Variants in SQOR observed in about 807,000 individuals in gnomAD.
SQOR encodes the protein sulfide quinone oxidoreductase.
SQOR carries 39 observed loss-of-function variants against 48.6 expected under a neutral mutation model. The observed-to-expected ratio is 0.80, with a 90% CI of 0.62 to 1.05. The LOEUF (loss-of-function observed/expected upper bound fraction) is 1.05. SQOR is among the 50% of genes least tolerant of loss of function. The pLI, the probability that SQOR is intolerant of heterozygous loss-of-function variation, is 0.00. For missense variants in SQOR, 561 were observed against 559.9 expected (o/e 1.00, Z -0.02); for synonymous variants, 220 against 206.2 (o/e 1.07, Z -0.57).
At position 45,673,680 on chromosome 15, in the gene SQOR, C is replaced by T. The variant is rs373774975; in HGVS notation, c.533C>T (p.Thr178Ile). ...TATTCAGTTAAGACTGTAGAGAAGA[C>T]ATGGAAAGCTCTGCAGGACTTCAAA... ...SNYSVKTVEK[T>I]WKALQDFKEG... Residue 178 changes from threonine (T) to isoleucine (I), a missense_variant, in exon 5 of 10, where the codon ACA (threonine) becomes ATA (isoleucine). Coordinates refer to ENST00000260324, the MANE Select transcript of SQOR (RefSeq NM_021199.4). The T allele has an allele frequency of 2.5e-6, 4 of 1,614,204 alleles. No individual in the cohort carries two copies. The highest frequency in any genetic ancestry group is 1.7e-5 in the Admixed American group (1 of 60,028).
intron 1 of SQOR, among the ~76,000 whole-genome samples, chr15:45,648,163 TTTTG>T (rs1161576625): frequency 6.7e-6 from 1 of 149,098 alleles, no homozygotes; most frequent in African/African-American, 2.6e-5. Flanking sequence ...AATGATAGTT[TTTTG>T]TTTTTTTGTT....
Position 45,688,422 on chromosome 15 carries a change from G to T in SQOR, c.1116+18G>T. On this transcript the variant is annotated intron_variant, in intron 8 of 9. Coordinates refer to ENST00000260324, the MANE Select transcript of SQOR (RefSeq NM_021199.4). Reference sequence around the variant, plus strand: ...CAAAGAAGGTTTGTATGCCTTGTAAGAATCACTGTCTCAATGATCATCTTC... The same window carrying T: ...CAAAGAAGGTTTGTATGCCTTGTAATAATCACTGTCTCAATGATCATCTTC... The T allele has an allele frequency of 1.3e-6, 2 of 1,548,634 alleles. No homozygotes were observed. The highest frequency in any genetic ancestry group is 1.8e-5 in the Admixed American group (1 of 54,786).
intron 7 of SQOR, 115 bp downstream of exon 7, chr15:45,682,776 C>A: frequency 7.9e-7 from 1 of 1,266,668 alleles, no homozygotes; most frequent in Non-Finnish European, 1.1e-6. Flanking sequence ...GCCTGTAATC[C>A]CAGCACTTTG....
chr15:45,663,771 A>C (rs1889762845), intron 3 of SQOR, among the ~76,000 whole-genome samples: 1 of 152,128 alleles, frequency 6.6e-6, no homozygotes, highest in South Asian at 2.1e-4. Flanking sequence ...AAAAAATAAA[A>C]AAATAAAAAA....
rs564171705 is a variant in SQOR, at chr15:45,691,124, C to T, written c.*94C>T. On this transcript the variant is annotated 3_prime_UTR_variant, in exon 10 of 10. Coordinates refer to ENST00000260324, the MANE Select transcript of SQOR (RefSeq NM_021199.4). ...GCAGCACGAAGGACTTGGAACCTAT[C>T]CTTGTAAAGAGTTCCTTGATGGGTA... is the stretch of plus-strand genomic sequence containing the variant. 3 of 1,126,214 alleles carry T rather than the reference C, an allele frequency of 2.7e-6. No homozygotes were observed. In the East Asian group the frequency reaches 7.0e-5, roughly 26 times the overall value. The allele number at this position is 1,126,214 out of a possible 1,614,324, so 69.8% of individuals were successfully genotyped here.
chr15:45,667,343 G>A (rs1338369183), intron 3 of SQOR, among the ~76,000 whole-genome samples: 1 of 151,914 alleles, frequency 6.6e-6, no homozygotes, highest in East Asian at 2.0e-4. Flanking sequence ...TGTCTATTTA[G>A]TAGTTGAGTC....
rs1798350331 is a variant in SQOR at position 45,669,952 on chromosome 15, G to C, written c.430G>C (p.Ala144Pro). Residue 144 changes from alanine to proline, a missense_variant, in exon 4 of 10, where the codon GCT (alanine) becomes CCT (proline). Ala to Pro is a conservative substitution (Grantham distance 27, BLOSUM62 -1). Coordinates refer to ENST00000260324, the MANE Select transcript of SQOR (RefSeq NM_021199.4). ...GATCTCCTACCGATATCTTATTATT[G>C]CTCTCGGAATCCAGCTGGACTATGA... ...EKISYRYLII[A>P]LGIQLDYEKI... 6.2e-7 allele frequency: 1 copy of C among 1,613,864 alleles called. No individual in the cohort carries two copies. The highest frequency in any genetic ancestry group is 8.5e-7 in the Non-Finnish European group (1 of 1,179,972).
At chr15:45,666,412 C>G (rs952937097) in intron 3 of SQOR, among the ~76,000 whole-genome samples, 1 of 152,142 alleles carries the variant, frequency 6.6e-6, no homozygotes, top group African/African-American at 2.4e-5. Flanking sequence ...CAATATCTGG[C>G]ACATAGAAGG....
At chr15:45,673,892 C>A in intron 5 of SQOR, 91 bp downstream of exon 5, 1 of 1,262,384 alleles carries the variant, frequency 7.9e-7, no homozygotes, top group South Asian at 1.4e-5. Context: ...ATTGTAATCC[C>A]TTTTTTATCT....
At chr15:45,674,426 G>C (rs1219853258) in intron 5 of SQOR, among the ~76,000 whole-genome samples, 1 of 151,264 alleles carries the variant, frequency 6.6e-6, no homozygotes, top group African/African-American at 2.4e-5. Flanking sequence ...GGCAACAAGA[G>C]CGAAGCTCCG....
intron 8 of SQOR, among the ~76,000 whole-genome samples, 166 bp downstream of exon 8, chr15:45,688,570 G>A (rs1158914518): frequency 1.3e-5 from 2 of 149,302 alleles, no homozygotes; most frequent in African/African-American, 5.0e-5. Flanking sequence ...GGAGTGCAAT[G>A]GCACGATCTC....
intron 1 of SQOR, among the ~76,000 whole-genome samples, chr15:45,651,087 C>G (rs1345685101): frequency 6.6e-6 from 1 of 152,180 alleles, no homozygotes; most frequent in Admixed American, 6.5e-5. Context: ...GGGAGGCTCA[C>G]CCGTGTGGGA....
intron 4 of SQOR, among the ~76,000 whole-genome samples, chr15:45,671,405 G>A (rs549771842): frequency 5.3e-5 from 8 of 152,176 alleles, no homozygotes; most frequent in South Asian, 4.1e-4. Context: ...TGATCCACCC[G>A]CCTCAGCCTC....
chr15:45,679,231 G>A (rs1011533765), intron 6 of SQOR, among the ~76,000 whole-genome samples: 3 of 152,212 alleles, frequency 2.0e-5, no homozygotes. Context: ...AAATCCACCA[G>A]AAGGATGTAA....
At chr15:45,683,386 T>C (rs1040526121) in intron 7 of SQOR, among the ~76,000 whole-genome samples, 2 of 152,248 alleles carry the variant, frequency 1.3e-5, no homozygotes, top group Non-Finnish European at 2.9e-5. Flanking sequence ...AAAATTGTCC[T>C]GTTAAGACAA....
intron 1 of SQOR, among the ~76,000 whole-genome samples, chr15:45,638,379 C>T (rs1895043969): frequency 6.6e-6 from 1 of 152,144 alleles, no homozygotes; most frequent in African/African-American, 2.4e-5. Context: ...ACTGCTTGAG[C>T]TCAGAAGTTC....
chr15:45,682,258 G>A (rs774267190), intron 6 of SQOR, among the ~76,000 whole-genome samples: 10 of 152,162 alleles, frequency 6.6e-5, no homozygotes, highest in Non-Finnish European at 1.3e-4. Flanking sequence ...TCTCTGTATG[G>A]GGAGATCACG....
intron 1 of SQOR, among the ~76,000 whole-genome samples, chr15:45,645,187 T>G (rs1182572548): frequency 2.0e-5 from 3 of 152,204 alleles, no homozygotes; most frequent in Non-Finnish European, 2.9e-5. Flanking sequence ...TACTTGCATG[T>G]ATTTTGGATT....
Position 45,689,094 on chromosome 15 carries a change from C to T in SQOR, c.1172C>T (p.Ala391Val), listed in dbSNP as rs1890274069. Residue 391 changes from alanine to valine, a missense_variant, in exon 9 of 10, where the codon GCT becomes GTT. Transcript: ENST00000260324. The part of the protein sequence containing the change: ...LVTGYNRVIL[A>V]EFDYKAEPLE... ...ACCGGCTACAACCGTGTGATTCTTG[C>T]TGAGTTTGACTACAAAGCAGAGCCG... 2 of 1,614,020 alleles carry T rather than the reference C, an allele frequency of 1.2e-6. No individual in the cohort carries two copies. Among genetic ancestry groups the T allele is most frequent in the South Asian group, 1.1e-5 (1 of 91,082 alleles).
Sources: allele counts gnomAD v4.1 joint callset (sites outside exome capture counted in the v4.1 genomes callset), GRCh38; gene constraint gnomAD v4.1.1; transcripts MANE v1.5; gene names NCBI Gene and HGNC (gene_info 2026-07-23, HGNC 2026-07-21).